Variants in METAP2 observed in about 807,000 individuals in gnomAD.
METAP2 encodes methionyl aminopeptidase 2.
In METAP2, 25 loss-of-function variants were observed where a neutral mutation model predicts 59.4. That is an observed-to-expected ratio of 0.42 (90% CI 0.31 to 0.59). The LOEUF is 0.59. Ranked by LOEUF, METAP2 falls within the 20% of genes least tolerant of loss-of-function variation. The pLI is 0.16. For missense variants in METAP2, 366 were observed against 581.2 expected (o/e 0.63, Z 3.81); for synonymous variants, 214 against 194.1 (o/e 1.10, Z -0.85).
intron 8 of METAP2, among the ~76,000 whole-genome samples, chr12:95,505,971 C>T (rs2076356087): frequency 6.6e-6 from 1 of 151,652 alleles, no homozygotes; most frequent in Non-Finnish European, 1.5e-5. Context: ...ATGGCACACA[C>T]CTGTAATCTC....
Position 95,474,322 on chromosome 12 carries a change from C to G in METAP2, c.143C>G (p.Pro48Arg). 6.2e-7 allele frequency: 1 copy of G among 1,613,970 alleles called. No individual in the cohort carries two copies. Among genetic ancestry groups the G allele is most frequent in the Non-Finnish European group, 8.5e-7 (1 of 1,179,968 alleles). ...KRRKKKKSKGPSAAGEQEPDK... is the reference protein window; with the variant it reads ...KRRKKKKSKGRSAAGEQEPDK... Reference sequence around the variant, plus strand: ...CGAAAGAAGAAGAAGAGCAAAGGGCCTTCTGCAGGTAAAGAGAGTTTTATG... The same window carrying G: ...CGAAAGAAGAAGAAGAGCAAAGGGCGTTCTGCAGGTAAAGAGAGTTTTATG... Residue 48 changes from proline (P) to arginine (R), a missense_variant, in exon 1 of 11, where the codon CCT (proline) becomes CGT (arginine). By Grantham distance (103) the Pro-to-Arg change is moderately radical. This residue lies in a region of METAP2 where 177 missense variants were observed against 180.3 expected (regional missense o/e 0.98). Coordinates refer to ENST00000323666, the MANE Select transcript of METAP2 (RefSeq NM_006838.4).
intron 8 of METAP2, among the ~76,000 whole-genome samples, chr12:95,509,847 C>CTTTTTTTTTTT (rs1210964780): frequency 7.6e-6 from 1 of 131,634 alleles, no homozygotes; most frequent in Non-Finnish European, 1.6e-5. Flanking sequence ...CCCCCCCAAC[C>CTTTTTTTTTTT]TTTTTTTTTT....
At position 95,474,344 on chromosome 12, in the gene METAP2, T is replaced by C; in HGVS notation, c.151+14T>C. The C allele has an allele frequency of 5.0e-6, 8 of 1,613,026 alleles. No individual in the cohort carries two copies. Among genetic ancestry groups the C allele is most frequent in the Non-Finnish European group, 6.8e-6 (8 of 1,179,510 alleles). Reference sequence around the variant, plus strand: ...GGCCTTCTGCAGGTAAAGAGAGTTTTATGTTTTCCCAGTCCCCTCCGGGAA... The same window carrying C: ...GGCCTTCTGCAGGTAAAGAGAGTTTCATGTTTTCCCAGTCCCCTCCGGGAA... On this transcript the variant is annotated intron_variant, in intron 1 of 10. Transcript: ENST00000323666.
chr12:95,489,012 T>C (rs1274665264), intron 4 of METAP2, among the ~76,000 whole-genome samples: 3 of 151,892 alleles, frequency 2.0e-5, no homozygotes, highest in Non-Finnish European at 4.4e-5. Context: ...GTTTTTGATA[T>C]TTTTTCACTT....
At chr12:95,489,336 T>C (rs576184966) in intron 4 of METAP2, among the ~76,000 whole-genome samples, 1 of 152,340 alleles carries the variant, frequency 6.6e-6, no homozygotes, top group South Asian at 2.1e-4. Flanking sequence ...GAATAACTTC[T>C]GTTTTTGAAA....
At chr12:95,483,474 TCAAA>T (rs2076174216) in intron 3 of METAP2, 194 bp downstream of exon 3, 9 of 68,806 alleles carry the variant, frequency 1.3e-4, no homozygotes, top group Admixed American at 2.2e-4. Context: ...AGACTCTGTC[TCAAA>T]AAAAAAAAAA....
chr12:95,501,775 GT>G (rs2076317811), intron 7 of METAP2, among the ~76,000 whole-genome samples: 1 of 149,814 alleles, frequency 6.7e-6, no homozygotes, highest in Non-Finnish European at 1.5e-5. Flanking sequence ...AACAAATAGT[GT>G]TTGCAGACTA....
At chr12:95,486,221 G>A (rs2076195395) in intron 4 of METAP2, among the ~76,000 whole-genome samples, 1 of 152,092 alleles carries the variant, frequency 6.6e-6, no homozygotes, top group Admixed American at 6.5e-5. Context: ...GTAGATAAAG[G>A]TTAACTTAAA....
chr12:95,476,844 A>C (rs1042122875), intron 2 of METAP2, among the ~76,000 whole-genome samples: 1 of 152,212 alleles, frequency 6.6e-6, no homozygotes, highest in African/African-American at 2.4e-5. Flanking sequence ...TTTCACATAC[A>C]TTCACATTTT....
chr12:95,497,685 C>T (rs2076285297), intron 7 of METAP2, among the ~76,000 whole-genome samples: 2 of 152,272 alleles, frequency 1.3e-5, no homozygotes, highest in Middle Eastern at 3.4e-3. Flanking sequence ...CATTTTCATT[C>T]CCACCAACAG....
chr12:95,488,481 C>T (rs368703900), intron 4 of METAP2, among the ~76,000 whole-genome samples: 13 of 139,996 alleles, frequency 9.3e-5, no homozygotes, highest in South Asian at 4.5e-4. Flanking sequence ...TGCACTACAC[C>T]CTGGGTGACA....
At chr12:95,489,232 G>A (rs2076219898) in intron 4 of METAP2, among the ~76,000 whole-genome samples, 1 of 151,844 alleles carries the variant, frequency 6.6e-6, no homozygotes, top group Admixed American at 6.6e-5. Flanking sequence ...TGGAACACTT[G>A]AAGTGGTATT....
chr12:95,488,875 T>C (rs934134367), intron 4 of METAP2, among the ~76,000 whole-genome samples: 1 of 145,986 alleles, frequency 6.8e-6, no homozygotes, highest in East Asian at 2.0e-4. Context: ...CTCAGTCATA[T>C]AGCCTTACAC....
intron 7 of METAP2, among the ~76,000 whole-genome samples, chr12:95,501,512 T>A (rs1043637037): frequency 9.2e-5 from 14 of 152,092 alleles, no homozygotes; most frequent in African/African-American, 3.4e-4. Flanking sequence ...GTCAAGAGAT[T>A]GAGACTGTTC....
chr12:95,491,385 CTCTG>C (rs1270334456), intron 4 of METAP2, among the ~76,000 whole-genome samples: 1 of 152,182 alleles, frequency 6.6e-6, no homozygotes, highest in Non-Finnish European at 1.5e-5. Context: ...GAAGAATTTT[CTCTG>C]TCAACTGGGA....
chr12:95,483,496 AAAG>A (rs1422360837), intron 3 of METAP2: 7 of 436,484 alleles, frequency 1.6e-5, no homozygotes, highest in Admixed American at 7.7e-5. Flanking sequence ...AAAAAAAAAA[AAAG>A]AAGTGGTTAT....
In METAP2 at chr12:95,496,053, TAC is replaced by T; in HGVS notation, c.823_824del (p.Thr275ValfsTer10). 6.2e-7 allele frequency: 1 copy of T among 1,600,574 alleles called. No individual in the cohort carries two copies. Among genetic ancestry groups the T allele is most frequent in the Middle Eastern group, 1.7e-4 (1 of 6,026 alleles). ...FTVTFNPKYD[T>X]LLKAVKDATN... ...CTGTCACTTTTAATCCCAAATATGA[TAC>T]GTTATTAAAAGCTGTAAAAGATGCT... On this transcript the variant is annotated frameshift_variant, in exon 7 of 11. Transcript: ENST00000323666. LOFTEE classifies it high-confidence loss of function.
intron 5 of METAP2, 103 bp downstream of exon 5, chr12:95,494,320 TTAAG>T (rs1433571715): frequency 1.1e-5 from 12 of 1,118,608 alleles, no homozygotes; most frequent in Admixed American, 5.2e-5. Flanking sequence ...TGCTAAATCT[TTAAG>T]TAAAGGTTGT....
At chr12:95,484,001 C>G (rs2076178058) in intron 3 of METAP2, among the ~76,000 whole-genome samples, 1 of 151,928 alleles carries the variant, frequency 6.6e-6, no homozygotes, top group South Asian at 2.1e-4. Flanking sequence ...AGTGCCACAA[C>G]CAAACATCAT....
Sources: gnomAD v4.1 joint callset for allele counts (sites outside exome capture counted in the v4.1 genomes callset) on GRCh38, gnomAD v4.1.1 for gene constraint, gnomAD v4.1.1 regional missense constraint, MANE v1.5 for transcripts, NCBI Gene and HGNC (gene_info 2026-07-23, HGNC 2026-07-21) for gene names.